Variants in SAMD12 observed in about 807,000 individuals in gnomAD.
SAMD12 encodes the protein sterile alpha motif domain-containing protein 12.
SAMD12 carries 9 observed loss-of-function variants against 15.0 expected under a neutral mutation model. The observed-to-expected ratio is 0.60, with a 90% CI of 0.36 to 1.05. SAMD12 has a LOEUF of 1.05. Among genes scored for constraint, SAMD12 ranks in the 50% least tolerant of loss-of-function variants. The probability of loss-of-function intolerance (pLI) is 0.01; values close to 1 mark genes in which losing one functional copy is unlikely to be tolerated. For missense variants in SAMD12, 230 were observed against 234.2 expected, an observed-to-expected ratio of 0.98 and a Z score of 0.12; for synonymous variants, 86 against 90.1, an observed-to-expected ratio of 0.96 and a Z score of 0.25.
intron 2 of SAMD12, among the ~76,000 whole-genome samples, chr8:118,549,071 G>A (rs1826234132): frequency 6.6e-6 from 1 of 152,260 alleles, no homozygotes; most frequent in African/African-American, 2.4e-5. Flanking sequence ...AGGCCTGCCT[G>A]CCTCTGTAGG....
the SAMD12 span, among the ~76,000 whole-genome samples, chr8:118,134,348 T>C: frequency 0.28 from 42,354 of 152,168 alleles, 6,381 homozygotes; most frequent in South Asian, 0.37. Context: ...CATGAGGGGC[T>C]TTTTCTGGAA....
At chr8:118,578,065 A>G (rs1827195220) in intron 2 of SAMD12, among the ~76,000 whole-genome samples, 1 of 152,158 alleles carries the variant, frequency 6.6e-6, no homozygotes. Context: ...ACCCTCCTAG[A>G]CTCAGTGATG....
chr8:118,446,801 T>C (rs899335697), intron 2 of SAMD12, among the ~76,000 whole-genome samples: 16 of 152,308 alleles, frequency 1.1e-4, no homozygotes, highest in Admixed American at 2.6e-4. Flanking sequence ...GGGCTCTCCA[T>C]TGAGTCTCAT....
chr8:118,312,338 T>C (rs564442948), intron 4 of SAMD12, among the ~76,000 whole-genome samples: 2 of 152,314 alleles, frequency 1.3e-5, no homozygotes, highest in South Asian at 4.1e-4. Context: ...CAGAAGTTCA[T>C]AGACAAAATC....
At chr8:118,152,442 TCCTC>T in the SAMD12 span, among the ~76,000 whole-genome samples, 1 of 128,632 alleles carries the variant, frequency 7.8e-6, no homozygotes, top group South Asian at 2.8e-4. Context: ...CTTCCTTCCT[TCCTC>T]CCTCCCTCCC....
At chr8:118,234,462 C>A (rs1029562621) in intron 4 of SAMD12, among the ~76,000 whole-genome samples, 1 of 152,004 alleles carries the variant, frequency 6.6e-6, no homozygotes. Flanking sequence ...AATATTTATT[C>A]ACTTTGGGAG....
intron 2 of SAMD12, among the ~76,000 whole-genome samples, chr8:118,495,297 G>C (rs563583676): frequency 1.3e-5 from 2 of 152,124 alleles, no homozygotes; most frequent in African/African-American, 2.4e-5. Context: ...CAGCACATGA[G>C]TCTCAGAAGC....
chr8:118,534,349 G>A (rs545836330), intron 2 of SAMD12, among the ~76,000 whole-genome samples: 6 of 152,086 alleles, frequency 3.9e-5, no homozygotes, highest in Non-Finnish European at 7.4e-5. Context: ...TGGGTAACCC[G>A]ACCTTGCTCT....
Position 118,548,396 on chromosome 8 carries a change from C to T in SAMD12, c.192+32319G>A, listed in dbSNP as rs28615544. On this transcript the variant is annotated intron_variant, in intron 2 of 3. Coordinates refer to ENST00000314727, the MANE Select transcript of SAMD12 (RefSeq NM_207506.3). ...CTAAAAACACACATACACACACACA[C>T]ACACACACACACACACACACACACA... Among the ~76,000 whole-genome samples, 1,015 of 135,984 alleles carry T rather than the reference C, an allele frequency of 7.5e-3. 10 individuals carry two copies. Among genetic ancestry groups the T allele is most frequent in the African/African-American group, 0.025 (909 of 36,662 alleles). 89.2% of individuals were successfully genotyped at this position (135,984 alleles called of 152,430 possible).
chr8:118,452,731 T>C (rs1342706599), intron 2 of SAMD12, among the ~76,000 whole-genome samples: 1 of 152,184 alleles, frequency 6.6e-6, no homozygotes, highest in Non-Finnish European at 1.5e-5. Context: ...AAATAAGTTA[T>C]CCCAAAAGGC....
intron 4 of SAMD12, among the ~76,000 whole-genome samples, chr8:118,333,190 C>A (rs7016226): frequency 0.021 from 3,189 of 152,294 alleles, 120 homozygotes; most frequent in African/African-American, 0.07. Flanking sequence ...GTTCTAAAAG[C>A]CAGTGTCTGC....
chr8:118,421,218 G>A (rs1175399221), intron 3 of SAMD12, among the ~76,000 whole-genome samples: 1 of 152,152 alleles, frequency 6.6e-6, no homozygotes, highest in Admixed American at 6.5e-5. Flanking sequence ...CATAAATGGT[G>A]CTAAACACTG....
intron 2 of SAMD12, among the ~76,000 whole-genome samples, chr8:118,567,187 C>G (rs1826876360): frequency 6.6e-6 from 1 of 152,064 alleles, no homozygotes; most frequent in African/African-American, 2.4e-5. Flanking sequence ...CTCACTAAAG[C>G]AGAGAGAGTA....
chr8:118,527,632 A>AT (rs1325723662), intron 2 of SAMD12, among the ~76,000 whole-genome samples: 1 of 152,100 alleles, frequency 6.6e-6, no homozygotes, highest in Non-Finnish European at 1.5e-5. Context: ...CTATTTCTTG[A>AT]TTTTAGCTGA....
At chr8:118,499,017 C>A (rs1380095789) in intron 2 of SAMD12, among the ~76,000 whole-genome samples, 1 of 152,182 alleles carries the variant, frequency 6.6e-6, no homozygotes, top group Non-Finnish European at 1.5e-5. Flanking sequence ...TATTATCTGT[C>A]AGAATAGGCT....
chr8:118,616,249 G>T (rs1293530274), intron 1 of SAMD12, among the ~76,000 whole-genome samples: 1 of 152,170 alleles, frequency 6.6e-6, no homozygotes. Context: ...GAGGAACACA[G>T]TTGGAAGTTC....
At chr8:118,273,472 G>T (rs1813411710) in intron 4 of SAMD12, among the ~76,000 whole-genome samples, 1 of 152,170 alleles carries the variant, frequency 6.6e-6, no homozygotes, top group South Asian at 2.1e-4. Flanking sequence ...TATGTCACTT[G>T]TGTAATAGCA....
intron 2 of SAMD12, among the ~76,000 whole-genome samples, chr8:118,478,916 G>A (rs1357620701): frequency 2.0e-5 from 3 of 152,166 alleles, no homozygotes; most frequent in Admixed American, 6.5e-5. Flanking sequence ...ATTACTCAAG[G>A]CCAGTGTCAG....
intron 4 of SAMD12, among the ~76,000 whole-genome samples, chr8:118,324,268 A>G (rs1286662156): frequency 1.3e-5 from 2 of 152,204 alleles, no homozygotes; most frequent in East Asian, 3.9e-4. Flanking sequence ...AAGGGGTTCC[A>G]TTCTTATTAA....
Sources: allele counts gnomAD v4.1 joint callset (sites outside exome capture counted in the v4.1 genomes callset), GRCh38; gene constraint gnomAD v4.1.1; transcripts MANE v1.5; gene names NCBI Gene and HGNC (gene_info 2026-07-23, HGNC 2026-07-21).